PCDH15: variants seen among roughly 807,000 people sequenced by gnomAD.
PCDH15 encodes the protein protocadherin related 15, also known as protocadherin-15.
Under a neutral mutation model 178.5 loss-of-function variants are expected in PCDH15, and 129 were observed. The ratio of observed to expected loss-of-function variants is 0.72; its 90% confidence interval spans 0.63 to 0.84. The LOEUF (loss-of-function observed/expected upper bound fraction) is 0.84, where lower values mean the gene tolerates loss of function less well. Ranked by LOEUF, PCDH15 falls within the 40% of genes least tolerant of loss-of-function variation. The pLI is 0.00. For synonymous variants in PCDH15, 800 were observed against 732.0 expected (o/e 1.09, Z -1.50); for missense variants, 2,230 against 2,099.9 (o/e 1.06, Z -1.21).
intron 25 of PCDH15, among the ~76,000 whole-genome samples, chr10:53,911,286 T>G (rs1471469756): frequency 2.0e-5 from 3 of 152,140 alleles, no homozygotes; most frequent in South Asian, 2.1e-4. Context: ...AATCAAATTA[T>G]AACTCAGGAT....
chr10:55,506,874 A>G (rs111378418), intron 2 of PCDH15, among the ~76,000 whole-genome samples: 10 of 151,538 alleles, frequency 6.6e-5, no homozygotes, highest in Admixed American at 5.3e-4. Flanking sequence ...TAACAAGCAA[A>G]ATTTTGCAAA....
chr10:55,363,308 C>A (rs1383760549), intron 2 of PCDH15, among the ~76,000 whole-genome samples: 1 of 152,042 alleles, frequency 6.6e-6, no homozygotes, highest in Non-Finnish European at 1.5e-5. Context: ...CACAGTTTTA[C>A]CAGTAAAACA....
intron 1 of PCDH15, among the ~76,000 whole-genome samples, chr10:55,189,895 C>A (rs1002461603): frequency 6.6e-6 from 1 of 151,562 alleles, no homozygotes; most frequent in Non-Finnish European, 1.5e-5. Flanking sequence ...ATCCCATGAC[C>A]CAGAAATTAT....
chr10:55,606,516 C>G (rs1843220875), intron 2 of PCDH15, among the ~76,000 whole-genome samples: 1 of 146,456 alleles, frequency 6.8e-6, no homozygotes, highest in African/African-American at 2.5e-5. Flanking sequence ...GCTACAGTAA[C>G]CAAAACAGCA....
intron 13 of PCDH15, among the ~76,000 whole-genome samples, chr10:54,170,997 C>T (rs1312148106): frequency 1.3e-5 from 2 of 152,202 alleles, no homozygotes; most frequent in Admixed American, 6.5e-5. Context: ...ACTCAACATG[C>T]CCTGAGTCAG....
At chr10:54,336,403 C>G (rs907186137) in intron 6 of PCDH15, among the ~76,000 whole-genome samples, 2 of 152,102 alleles carry the variant, frequency 1.3e-5, no homozygotes, top group Admixed American at 6.5e-5. Context: ...GGCCAGGAGC[C>G]CTAGGAGAAA....
At chr10:54,316,539 C>T (rs938684800) in intron 8 of PCDH15, among the ~76,000 whole-genome samples, 3 of 44,532 alleles carry the variant, frequency 6.7e-5, no homozygotes, top group Non-Finnish European at 1.4e-4. Flanking sequence ...TACACACACA[C>T]ACACACACAC....
intron 2 of PCDH15, among the ~76,000 whole-genome samples, chr10:55,511,101 G>A (rs1239696640): frequency 6.6e-6 from 1 of 150,888 alleles, no homozygotes; most frequent in East Asian, 2.0e-4. Flanking sequence ...TCAAACTCCT[G>A]AGCTCAACCA....
chr10:55,108,292 C>A (rs1837407962), intron 2 of PCDH15, among the ~76,000 whole-genome samples: 1 of 152,182 alleles, frequency 6.6e-6, no homozygotes, highest in South Asian at 2.1e-4. Flanking sequence ...TACAGAAAGG[C>A]CCTAAGTATG....
chr10:55,361,625 A>G lies in PCDH15; in HGVS notation c.-155-194974T>C, dbSNP rs1162157488. On this transcript the variant is annotated intron_variant, in intron 2 of 5. Transcript: ENST00000613346. ...GAAAATAGCCTCAAATATATGACCA[A>G]TAATAATGTCTGTGGAAATGAAATG... Among the ~76,000 whole-genome samples, 3 of 152,090 alleles carry G rather than the reference A, an allele frequency of 2.0e-5. 1 individual carries two copies. Among genetic ancestry groups the G allele is most frequent in the Non-Finnish European group, 4.4e-5 (3 of 67,934 alleles).
chr10:54,143,482 T>A (rs1590758706), intron 14 of PCDH15, among the ~76,000 whole-genome samples: 1 of 152,152 alleles, frequency 6.6e-6, no homozygotes, highest in Non-Finnish European at 1.5e-5. Flanking sequence ...AACTTTTCAA[T>A]GCAGGTTACT....
chr10:55,461,270 G>A (rs1377840651), intron 2 of PCDH15, among the ~76,000 whole-genome samples: 1 of 152,072 alleles, frequency 6.6e-6, no homozygotes, highest in Admixed American at 6.6e-5. Flanking sequence ...AGCTTTGCCT[G>A]GGATACTCCT....
intron 2 of PCDH15, among the ~76,000 whole-genome samples, chr10:54,960,500 T>C (rs555967790): frequency 6.6e-6 from 1 of 152,294 alleles, no homozygotes; most frequent in East Asian, 1.9e-4. Context: ...ACTAATACTC[T>C]TGAACTTTCT....
intron 1 of PCDH15, among the ~76,000 whole-genome samples, chr10:55,271,305 A>T (rs1326536328): frequency 4.6e-5 from 7 of 152,272 alleles, no homozygotes; most frequent in African/African-American, 1.7e-4. Flanking sequence ...AAAATATTTT[A>T]AAAATAATTT....
intron 25 of PCDH15, among the ~76,000 whole-genome samples, chr10:53,923,293 C>G (rs559083205): frequency 1.3e-5 from 2 of 151,896 alleles, no homozygotes; most frequent in East Asian, 3.9e-4. Context: ...TACAAGATAC[C>G]AAAAGGGATA....
intron 2 of PCDH15, among the ~76,000 whole-genome samples, chr10:54,570,371 AT>A (rs2089641749): frequency 6.6e-6 from 1 of 152,176 alleles, no homozygotes; most frequent in Non-Finnish European, 1.5e-5. Context: ...CTAAACCTGA[AT>A]ATATTATAAT....
intron 21 of PCDH15, among the ~76,000 whole-genome samples, chr10:53,979,089 A>C (rs971716265): frequency 2.0e-5 from 3 of 151,924 alleles, no homozygotes; most frequent in Admixed American, 6.6e-5. Context: ...CAGCAGTGCC[A>C]CTCTACCTGG....
At chr10:54,248,578 A>G (rs550955626) in intron 8 of PCDH15, among the ~76,000 whole-genome samples, 1 of 152,078 alleles carries the variant, frequency 6.6e-6, no homozygotes, top group South Asian at 2.1e-4. Flanking sequence ...AGTAGAAAAT[A>G]AATTAGACAC....
chr10:54,853,289 G>GTGTGTATA (rs1249570811), intron 3 of PCDH15, among the ~76,000 whole-genome samples: 9 of 102,550 alleles, frequency 8.8e-5, no homozygotes, highest in South Asian at 7.4e-4. Flanking sequence ...ATGTATGTGT[G>GTGTGTATA]TATATATATA....
Sources: gnomAD v4.1 joint callset for allele counts (sites outside exome capture counted in the v4.1 genomes callset) on GRCh38, gnomAD v4.1.1 for gene constraint, MANE v1.5 for transcripts, NCBI Gene and HGNC (gene_info 2026-07-23, HGNC 2026-07-21) for gene names.